BRINP3: variants seen among roughly 807,000 people sequenced by gnomAD.
BRINP3 encodes the protein BMP/retinoic acid-inducible neural-specific protein 3.
A neutral mutation model predicts 71.0 loss-of-function variants in BRINP3; 19 were observed. The observed-to-expected ratio is 0.27, with a 90% CI of 0.19 to 0.39. The LOEUF is 0.39. Among genes scored for constraint, BRINP3 ranks in the 10% least tolerant of loss-of-function variants. BRINP3 has a pLI of 1.00. For missense variants in BRINP3, 959 were observed against 940.8 expected, an observed-to-expected ratio of 1.02 and a Z score of -0.25; for synonymous variants, 380 against 337.7, an observed-to-expected ratio of 1.13 and a Z score of -1.37.
chr1:190,158,123 G>A (rs182413128), intron 7 of BRINP3, among the ~76,000 whole-genome samples: 12 of 152,146 alleles, frequency 7.9e-5, no homozygotes, highest in African/African-American at 2.6e-4. Context: ...AAGGGACCCC[G>A]TGGGAGGTAA....
chr1:190,333,097 T>A (rs1360580922), intron 2 of BRINP3, among the ~76,000 whole-genome samples: 1 of 152,032 alleles, frequency 6.6e-6, no homozygotes, highest in Admixed American at 6.6e-5. Context: ...TGGATGCTTA[T>A]AATATACCTG....
At chr1:190,139,237 T>C (rs1280742096) in intron 7 of BRINP3, among the ~76,000 whole-genome samples, 1 of 151,600 alleles carries the variant, frequency 6.6e-6, no homozygotes, top group African/African-American at 2.4e-5. Flanking sequence ...CGCTTGAGCC[T>C]AGGGGTTTGA....
chr1:190,310,492 A>C (rs2103023248), intron 2 of BRINP3, among the ~76,000 whole-genome samples: 1 of 151,830 alleles, frequency 6.6e-6, no homozygotes, highest in South Asian at 2.1e-4. Context: ...GAATTGACCA[A>C]AATTTCTTTC....
At chr1:190,263,445 G>T (rs543030787) in intron 4 of BRINP3, among the ~76,000 whole-genome samples, 1 of 152,014 alleles carries the variant, frequency 6.6e-6, no homozygotes, top group East Asian at 1.9e-4. Context: ...TTGTCATATT[G>T]TTTAAGTAAC....
rs1036438559 is a variant in BRINP3, at chr1:190,238,269, AT to A, written c.619-3793del. Among the ~76,000 whole-genome samples, 4 of 152,024 alleles carry A rather than the reference AT, an allele frequency of 2.6e-5. No individual in the cohort carries two copies. The Admixed American group carries it at 2.6e-4, about 10-fold the overall frequency. On this transcript the variant is annotated intron_variant, in intron 4 of 7. Transcript: ENST00000367462. ...ATTTGGCTCGTATTCAATTTCTGAT[AT>A]CTTAACATTTAATATAAGAATTGAT...
intron 4 of BRINP3, among the ~76,000 whole-genome samples, chr1:190,254,295 T>A (rs924895174): frequency 7.1e-6 from 1 of 141,740 alleles, no homozygotes; most frequent in African/African-American, 2.5e-5. Context: ...TTTTTTTTTT[T>A]TCAACTCTGT....
intron 6 of BRINP3, among the ~76,000 whole-genome samples, chr1:190,197,987 C>T (rs2102599234): frequency 6.6e-6 from 1 of 152,278 alleles, no homozygotes. Context: ...CATTTCCATA[C>T]ATCCTCTGAA....
chr1:190,269,054 A>G (rs1297648393), intron 3 of BRINP3, among the ~76,000 whole-genome samples: 1 of 152,172 alleles, frequency 6.6e-6, no homozygotes, highest in Non-Finnish European at 1.5e-5. Flanking sequence ...ATCTTACCAT[A>G]TCTGAATGCA....
At chr1:190,343,941 C>T (rs1394643395) in intron 2 of BRINP3, among the ~76,000 whole-genome samples, 9 of 151,576 alleles carry the variant, frequency 5.9e-5, no homozygotes. Context: ...ATTTTACTGT[C>T]ATAATGTACT....
chr1:190,409,024 T>A (rs1361698051), intron 2 of BRINP3, among the ~76,000 whole-genome samples: 1 of 152,212 alleles, frequency 6.6e-6, no homozygotes, highest in Non-Finnish European at 1.5e-5. Context: ...AGACCAGCAA[T>A]GCATGTGATA....
At chr1:190,386,246 A>C (rs1193424471) in intron 2 of BRINP3, among the ~76,000 whole-genome samples, 1 of 96,744 alleles carries the variant, frequency 1.0e-5, no homozygotes, top group East Asian at 3.0e-4. Flanking sequence ...AAGAAAAAAA[A>C]ACTTAAAAAA....
chr1:190,386,449 A>C (rs1418482260), intron 2 of BRINP3, among the ~76,000 whole-genome samples: 2 of 151,712 alleles, frequency 1.3e-5, no homozygotes, highest in African/African-American at 4.8e-5. Flanking sequence ...ATTAAGTTTT[A>C]TTATTTTAAA....
chr1:190,174,280 T>C (rs1376127759), intron 6 of BRINP3, among the ~76,000 whole-genome samples: 1 of 152,140 alleles, frequency 6.6e-6, no homozygotes, highest in Non-Finnish European at 1.5e-5. Context: ...AGTTGGTACC[T>C]ACTCTGCCTC....
chr1:190,097,950 C>T lies in BRINP3; in HGVS notation c.*68G>A. 1 of 1,467,416 alleles carries T rather than the reference C, an allele frequency of 6.8e-7. No individual in the cohort carries two copies. 90.9% of individuals were successfully genotyped at this position (1,467,416 alleles called of 1,614,324 possible). A position where few individuals can be genotyped will look rare whatever the true frequency, so the allele number is the denominator to read the frequency against. On this transcript the variant is annotated 3_prime_UTR_variant, in exon 8 of 8. Coordinates refer to ENST00000367462, the MANE Select transcript of BRINP3 (RefSeq NM_199051.3). Reference sequence around the variant, plus strand: ...GACAATTTAAATTTACTCTTCCAAACATAAACTGTTCCACAAAAGCACTGT... The same window carrying T: ...GACAATTTAAATTTACTCTTCCAAATATAAACTGTTCCACAAAAGCACTGT...
At chr1:190,199,771 G>GAAAAAAAAAAAAAAAAA (rs35752025) in intron 6 of BRINP3, among the ~76,000 whole-genome samples, 1 of 123,520 alleles carries the variant, frequency 8.1e-6, no homozygotes, top group African/African-American at 3.0e-5. Context: ...CAAGGCATAG[G>GAAAAAAAAAAAAAAAAA]AAAAAAAAAA....
chr1:190,132,734 G>C (rs1273867406), intron 7 of BRINP3, among the ~76,000 whole-genome samples: 2 of 152,052 alleles, frequency 1.3e-5, no homozygotes, highest in Non-Finnish European at 2.9e-5. Flanking sequence ...CTTCCATCAA[G>C]AAGTGGGGCT....
chr1:190,453,797 A>T (rs1230801066), intron 2 of BRINP3, among the ~76,000 whole-genome samples: 1 of 152,222 alleles, frequency 6.6e-6, no homozygotes, highest in African/African-American at 2.4e-5. Context: ...TTTATATAGG[A>T]GTATCTACAT....
chr1:190,251,072 CAAT>C (rs928733699), intron 4 of BRINP3, among the ~76,000 whole-genome samples: 2 of 150,594 alleles, frequency 1.3e-5, no homozygotes, highest in African/African-American at 4.9e-5. Flanking sequence ...ATAACAACAA[CAAT>C]AATAATAATA....
chr1:190,207,966 T>C (rs1362123555), intron 6 of BRINP3, among the ~76,000 whole-genome samples: 2 of 151,966 alleles, frequency 1.3e-5, no homozygotes, highest in Non-Finnish European at 1.5e-5. Context: ...ACATATTGGG[T>C]TGTTTGCTTG....
Sources: allele counts gnomAD v4.1 joint callset (sites outside exome capture counted in the v4.1 genomes callset), GRCh38; gene constraint gnomAD v4.1.1; transcripts MANE v1.5; gene names NCBI Gene and HGNC (gene_info 2026-07-23, HGNC 2026-07-21).